Variants in SLC26A8 observed in about 807,000 individuals in gnomAD.
SLC26A8 encodes solute carrier family 26 member 8, also known as testis anion transporter 1.
A neutral mutation model predicts 105.0 loss-of-function variants in SLC26A8; 70 were observed. That is an observed-to-expected ratio of 0.67 (90% CI 0.55 to 0.81). SLC26A8 has a LOEUF of 0.81. Among genes scored for constraint, SLC26A8 ranks in the 40% least tolerant of loss-of-function variants. The pLI is 0.00. For missense variants in SLC26A8, 998 were observed against 1,181.8 expected (o/e 0.84, Z 2.28); for synonymous variants, 415 against 438.3 (o/e 0.95, Z 0.66).
intron 19 of SLC26A8, among the ~76,000 whole-genome samples, chr6:35,947,438 T>G (rs1771714754): frequency 6.6e-6 from 1 of 152,202 alleles, no homozygotes; most frequent in South Asian, 2.1e-4. Flanking sequence ...TGCAATAATA[T>G]ATGATATTGA....
intron 3 of SLC26A8, among the ~76,000 whole-genome samples, chr6:36,000,538 G>C (rs377633923): frequency 6.6e-6 from 1 of 152,148 alleles, no homozygotes; most frequent in Admixed American, 6.6e-5. Context: ...ACTTGAAGTT[G>C]GTATGTGTTG....
chr6:35,951,104 C>A, intron 19 of SLC26A8, 59 bp downstream of exon 19: 1 of 1,463,044 alleles, frequency 6.8e-7, no homozygotes, highest in Non-Finnish European at 9.4e-7. Context: ...ACCCCTCACC[C>A]ATCCCCCCAC....
At chr6:35,997,332 C>G (rs760454058) in intron 5 of SLC26A8, among the ~76,000 whole-genome samples, 1 of 152,148 alleles carries the variant, frequency 6.6e-6, no homozygotes, top group Non-Finnish European at 1.5e-5. Flanking sequence ...GAATCAAATG[C>G]CAGGTCATCT....
intron 10 of SLC26A8, among the ~76,000 whole-genome samples, chr6:35,972,338 G>A (rs1223957053): frequency 6.6e-6 from 1 of 151,542 alleles, no homozygotes; most frequent in Admixed American, 6.6e-5. Context: ...GGGGGCTGAA[G>A]TGAGAAGATC....
At chr6:35,995,771 A>G (rs576800929) in intron 5 of SLC26A8, among the ~76,000 whole-genome samples, 71 of 152,092 alleles carry the variant, frequency 4.7e-4, no homozygotes, top group Middle Eastern at 3.4e-3. Context: ...TCAGTCTCCC[A>G]AAGTGCTGGG....
rs534747057 is a variant in SLC26A8, at chr6:35,982,670, G to C, written c.943-467C>G. Among the ~76,000 whole-genome samples the C allele has an allele frequency of 9.2e-5, 14 of 152,272 alleles. No individual in the cohort carries two copies. In the South Asian group the frequency reaches 2.9e-3, roughly 32 times the overall value. On this transcript the variant is annotated intron_variant, in intron 7 of 19. Coordinates refer to ENST00000490799, the MANE Select transcript of SLC26A8 (RefSeq NM_052961.4). ...TCTCCCCACCAACTTTAAACATCTAGATTAATATAAACATGTTTTCAGATA... is the reference window on the plus strand; with the variant it reads ...TCTCCCCACCAACTTTAAACATCTACATTAATATAAACATGTTTTCAGATA...
intron 3 of SLC26A8, among the ~76,000 whole-genome samples, chr6:36,004,820 A>T (rs1217839416): frequency 2.6e-4 from 32 of 122,014 alleles, no homozygotes; most frequent in African/African-American, 9.7e-4. Context: ...ACCTAGTTAA[A>T]TTTTTTTTTT....
In SLC26A8 at chr6:35,991,695, A is replaced by G; in HGVS notation, c.906T>C (p.Asn302=). 1 of 1,604,654 alleles carries G rather than the reference A, an allele frequency of 6.2e-7. No individual in the cohort carries two copies. The highest frequency in any genetic ancestry group is 8.5e-7 in the Non-Finnish European group (1 of 1,176,962). Reference sequence around the variant, plus strand: ...CCATGGGAAACTCAATGGGATACTGATTGAAAGAAATTCTGATACATTTGT... The same window carrying G: ...CCATGGGAAACTCAATGGGATACTGGTTGAAAGAAATTCTGATACATTTGT... ...RINKCIRISF[N]QYPIEFPMEL... The change falls in exon 7 of 20, where the codon AAT becomes AAC. Residue 302 remains asparagine, a synonymous_variant. Coordinates refer to ENST00000490799, the MANE Select transcript of SLC26A8 (RefSeq NM_052961.4).
intron 12 of SLC26A8, among the ~76,000 whole-genome samples, chr6:35,962,093 G>GT (rs1772326700): frequency 6.6e-6 from 1 of 152,098 alleles, no homozygotes; most frequent in Non-Finnish European, 1.5e-5. Context: ...GGGCATGGTG[G>GT]TGGGCTCCTG....
At chr6:36,002,646 A>G (rs1761556576) in intron 3 of SLC26A8, among the ~76,000 whole-genome samples, 1 of 151,878 alleles carries the variant, frequency 6.6e-6, no homozygotes, top group Non-Finnish European at 1.5e-5. Context: ...TATGTATATT[A>G]TAAATAAAGC....
At chr6:35,989,349 G>A (rs1373923952) in intron 7 of SLC26A8, among the ~76,000 whole-genome samples, 1 of 152,118 alleles carries the variant, frequency 6.6e-6, no homozygotes, top group Non-Finnish European at 1.5e-5. Flanking sequence ...TATACAGTAT[G>A]TAGCCTTTTG....
rs1297566997 is a variant in SLC26A8, at chr6:35,981,692, A to T, written c.1025+429T>A. Among the ~76,000 whole-genome samples the T allele has an allele frequency of 2.6e-5, 4 of 152,144 alleles. No individual in the cohort carries two copies. The highest frequency in any genetic ancestry group is 7.2e-5 in the African/African-American group (3 of 41,426). On this transcript the variant is annotated intron_variant, in intron 8 of 19. Transcript: ENST00000490799. This position sits in a 1 kb window ranked among gnomAD's most constrained non-coding sequence, Gnocchi z 4.0. ...AATATATAAATAAATAAAACAGGGC[A>T]TCTATTTAGTCTAAGTTTGTGAAGG...
intron 1 of SLC26A8, chr6:36,024,260 C>A: frequency 3.1e-6 from 1 of 323,396 alleles, no homozygotes; most frequent in Non-Finnish European, 6.1e-6. Context: ...AAGGATGCAG[C>A]TTGCAAAACG....
At chr6:35,955,613 A>C in intron 16 of SLC26A8, 93 bp from the exon 17 acceptor site, 2 of 1,487,322 alleles carry the variant, frequency 1.3e-6, no homozygotes, top group Non-Finnish European at 1.8e-6. Flanking sequence ...CTGCCAGCTC[A>C]TGTCCCTCTC....
chr6:35,951,107 C>G (rs1320464791), intron 19 of SLC26A8, 56 bp downstream of exon 19: 2 of 880,440 alleles, frequency 2.3e-6, no homozygotes, highest in Middle Eastern at 3.8e-4. Flanking sequence ...CCTCACCCAT[C>G]CCCCCACTGC....
At chr6:35,945,238 C>A (rs940470709) in intron 19 of SLC26A8, among the ~76,000 whole-genome samples, 28 of 152,044 alleles carry the variant, frequency 1.8e-4, no homozygotes, top group Admixed American at 1.8e-3. Context: ...TTCTTTCTAC[C>A]TTCTGGTTTC....
At chr6:36,015,288 T>A (rs1761965511) in intron 2 of SLC26A8, among the ~76,000 whole-genome samples, 1 of 152,092 alleles carries the variant, frequency 6.6e-6, no homozygotes, top group South Asian at 2.1e-4. Flanking sequence ...AATTTTTGTA[T>A]TTTTAGTAGA....
intron 7 of SLC26A8, among the ~76,000 whole-genome samples, chr6:35,983,306 C>T (rs1773354336): frequency 6.6e-6 from 1 of 152,028 alleles, no homozygotes; most frequent in Admixed American, 6.6e-5. Context: ...ACTCTTATTT[C>T]CAGTTTAAAG....
At chr6:36,015,184 T>C (rs1761962277) in intron 2 of SLC26A8, among the ~76,000 whole-genome samples, 1 of 149,612 alleles carries the variant, frequency 6.7e-6, no homozygotes, top group South Asian at 2.2e-4. Context: ...CCCAGCTCAC[T>C]GCAACCTTTG....
Sources: allele counts gnomAD v4.1 joint callset (sites outside exome capture counted in the v4.1 genomes callset), GRCh38; gene constraint gnomAD v4.1.1; non-coding constraint Gnocchi (gnomAD v3.1); transcripts MANE v1.5; gene names NCBI Gene and HGNC (gene_info 2026-07-23, HGNC 2026-07-21).